EPHA6: variants seen among roughly 807,000 people sequenced by gnomAD.
EPHA6 encodes the protein ephrin type-A receptor 6.
In EPHA6, 50 loss-of-function variants were observed where a neutral mutation model predicts 112.0. The ratio of observed to expected loss-of-function variants is 0.45; its 90% CI spans 0.36 to 0.56. The LOEUF (loss-of-function observed/expected upper bound fraction) is 0.56. Ranked by LOEUF, EPHA6 falls within the 20% of genes least tolerant of loss-of-function variation. The pLI is 0.00. For synonymous variants in EPHA6, 529 were observed against 490.7 expected, an observed-to-expected ratio of 1.08 and a Z score of -1.03; for missense variants, 1,280 against 1,417.4, an observed-to-expected ratio of 0.90 and a Z score of 1.56.
intron 3 of EPHA6, among the ~76,000 whole-genome samples, chr3:96,997,595 T>G (rs1169432098): frequency 6.6e-6 from 1 of 151,944 alleles, no homozygotes; most frequent in African/African-American, 2.4e-5. Context: ...TTTATTAAGT[T>G]TTCTGGCTTA....
intron 6 of EPHA6, among the ~76,000 whole-genome samples, chr3:97,406,021 C>T (rs1394030167): frequency 6.6e-6 from 1 of 151,986 alleles, no homozygotes; most frequent in East Asian, 1.9e-4. Flanking sequence ...CTTAATACTA[C>T]TTCTAGAAGT....
At chr3:97,339,226 T>C (rs1254848319) in intron 5 of EPHA6, among the ~76,000 whole-genome samples, 2 of 152,164 alleles carry the variant, frequency 1.3e-5, no homozygotes, top group African/African-American at 2.4e-5. Flanking sequence ...TGCAATTATA[T>C]GAGGAGCAGA....
intron 14 of EPHA6, among the ~76,000 whole-genome samples, chr3:97,670,538 A>T (rs946521539): frequency 6.6e-6 from 1 of 152,230 alleles, no homozygotes. Flanking sequence ...TTTATGCAAT[A>T]GAACTAATGT....
At chr3:97,550,220 G>T (rs1457654550) in intron 11 of EPHA6, among the ~76,000 whole-genome samples, 5 of 152,184 alleles carry the variant, frequency 3.3e-5, no homozygotes, top group African/African-American at 1.2e-4. Flanking sequence ...CTCACAGTAA[G>T]AACCCTAAAG....
rs911518403 is a variant in EPHA6, at chr3:97,416,299, A to G, written c.1731+11025A>G. 7.2e-5 allele frequency among the ~76,000 whole-genome samples: 11 copies of G among 152,258 alleles called. No individual in the cohort carries two copies. In the East Asian group the frequency reaches 2.1e-3, roughly 29 times the overall value. Reference sequence around the variant, plus strand: ...TGCTGTTTCCTAAAAATTAAATCCAAGACTTTTTGGCAATCTAAAGTTATA... The same window carrying G: ...TGCTGTTTCCTAAAAATTAAATCCAGGACTTTTTGGCAATCTAAAGTTATA... On this transcript the variant is annotated intron_variant, in intron 6 of 17. Transcript: ENST00000389672.
chr3:97,609,092 A>C (rs1576059520), intron 12 of EPHA6, among the ~76,000 whole-genome samples: 1 of 151,486 alleles, frequency 6.6e-6, no homozygotes, highest in African/African-American at 2.4e-5. Flanking sequence ...TTGTTAAAGA[A>C]AATAAAAACT....
chr3:97,571,163 T>C (rs1329573329), intron 11 of EPHA6, among the ~76,000 whole-genome samples: 2 of 152,084 alleles, frequency 1.3e-5, no homozygotes, highest in African/African-American at 2.4e-5. Flanking sequence ...GAGTCAGCAT[T>C]TAGGGCAGTA....
intron 5 of EPHA6, among the ~76,000 whole-genome samples, chr3:97,278,918 A>T (rs963451119): frequency 2.6e-5 from 4 of 152,244 alleles, no homozygotes; most frequent in Admixed American, 1.3e-4. Context: ...GGACAAAAAC[A>T]CATACGATTG....
chr3:97,475,508 C>A, intron 8 of EPHA6, 48 bp downstream of exon 8: 1 of 1,296,534 alleles, frequency 7.7e-7, no homozygotes, highest in South Asian at 1.3e-5. Context: ...AATAACCACT[C>A]TTTTTATACA....
At chr3:97,685,008 T>C (rs2032141035) in intron 14 of EPHA6, among the ~76,000 whole-genome samples, 1 of 152,214 alleles carries the variant, frequency 6.6e-6, no homozygotes, top group Non-Finnish European at 1.5e-5. Context: ...TTCCTCTATG[T>C]GTAGGACACA....
At chr3:96,979,923 T>A (rs532463040) in intron 2 of EPHA6, among the ~76,000 whole-genome samples, 1 of 152,350 alleles carries the variant, frequency 6.6e-6, no homozygotes, top group South Asian at 2.1e-4. Context: ...GTAAATTTGT[T>A]TGAGTTCATT....
At chr3:97,031,732 C>T (rs1679503994) in intron 3 of EPHA6, among the ~76,000 whole-genome samples, 2 of 152,144 alleles carry the variant, frequency 1.3e-5, no homozygotes, top group African/African-American at 2.4e-5. Context: ...AAATGCAAAT[C>T]AAAACCACAA....
At chr3:97,743,085 A>T (rs1156343106) in intron 16 of EPHA6, among the ~76,000 whole-genome samples, 1 of 152,144 alleles carries the variant, frequency 6.6e-6, no homozygotes, top group Non-Finnish European at 1.5e-5. Context: ...AAACCTATAA[A>T]GACAGAATAA....
chr3:97,728,159 A>G (rs1178208001), intron 15 of EPHA6, among the ~76,000 whole-genome samples: 2 of 151,832 alleles, frequency 1.3e-5, no homozygotes, highest in Non-Finnish European at 2.9e-5. Context: ...GTCATAATCT[A>G]TTTTTCCATA....
intron 11 of EPHA6, among the ~76,000 whole-genome samples, chr3:97,575,109 TTAA>T (rs1350899624): frequency 1.3e-5 from 2 of 152,178 alleles, no homozygotes; most frequent in African/African-American, 4.8e-5. Flanking sequence ...ACTATCTGTG[TTAA>T]TAAGAGCATA....
chr3:97,551,361 A>G (rs2093026446), intron 11 of EPHA6, among the ~76,000 whole-genome samples: 3 of 152,264 alleles, frequency 2.0e-5, no homozygotes, highest in African/African-American at 7.2e-5. Flanking sequence ...AAGCAACAGA[A>G]TGATGTAAAT....
intron 16 of EPHA6, among the ~76,000 whole-genome samples, chr3:97,742,136 G>A (rs534608044): frequency 2.6e-5 from 4 of 152,132 alleles, no homozygotes; most frequent in South Asian, 2.1e-4. Context: ...GCATAAATAC[G>A]TTTTGCTTCT....
At chr3:97,334,295 C>A (rs1407467123) in intron 5 of EPHA6, among the ~76,000 whole-genome samples, 1 of 151,290 alleles carries the variant, frequency 6.6e-6, no homozygotes, top group Non-Finnish European at 1.5e-5. Context: ...TAATGCTGAC[C>A]TCAATAAATG....
chr3:97,281,658 A>G (rs561009628), intron 5 of EPHA6, among the ~76,000 whole-genome samples: 2 of 152,192 alleles, frequency 1.3e-5, no homozygotes, highest in Non-Finnish European at 2.9e-5. Flanking sequence ...TATTTTCAAC[A>G]TCATCATTAT....
Sources: allele counts gnomAD v4.1 joint callset (sites outside exome capture counted in the v4.1 genomes callset), GRCh38; gene constraint gnomAD v4.1.1; transcripts MANE v1.5; gene names NCBI Gene and HGNC (gene_info 2026-07-23, HGNC 2026-07-21).